Variants in PPP2R2B observed in about 807,000 individuals in gnomAD.
PPP2R2B encodes the protein protein phosphatase 2 regulatory subunit Bbeta.
PPP2R2B carries 5 observed loss-of-function variants against 46.0 expected under a neutral mutation model. The observed-to-expected ratio is 0.11, with a 90% CI of 0.06 to 0.23. The LOEUF (loss-of-function observed/expected upper bound fraction) is 0.23. PPP2R2B is among the 10% of genes least tolerant of loss of function. PPP2R2B has a pLI of 1.00. For missense variants in PPP2R2B, 367 were observed against 575.0 expected, an observed-to-expected ratio of 0.64 and a Z score of 3.70; for synonymous variants, 215 against 206.7, an observed-to-expected ratio of 1.04 and a Z score of -0.34.
At chr5:146,647,934 A>C (rs562048158) in intron 6 of PPP2R2B, among the ~76,000 whole-genome samples, 1 of 152,218 alleles carries the variant, frequency 6.6e-6, no homozygotes, top group Non-Finnish European at 1.5e-5. Flanking sequence ...CATGGTCCTG[A>C]TGGTCAGTTC....
At chr5:146,924,510 G>C (rs1054554677) in intron 1 of PPP2R2B, among the ~76,000 whole-genome samples, 1 of 152,078 alleles carries the variant, frequency 6.6e-6, no homozygotes, top group African/African-American at 2.4e-5. Context: ...AGGACAACAG[G>C]AGTCACCAAA....
intron 1 of PPP2R2B, among the ~76,000 whole-genome samples, chr5:146,980,601 T>C (rs1277868844): frequency 2.0e-5 from 3 of 152,180 alleles, no homozygotes; most frequent in African/African-American, 7.2e-5. Context: ...CCCTGTTCCC[T>C]GTGGAACTAG....
intron 8 of PPP2R2B, among the ~76,000 whole-genome samples, chr5:146,593,982 C>T (rs1770921436): frequency 6.6e-6 from 1 of 152,118 alleles, no homozygotes; most frequent in Non-Finnish European, 1.5e-5. Context: ...TCAGATTCTC[C>T]TTTTGTTTAG....
chr5:147,038,615 C>T (rs771301151), intron 1 of PPP2R2B, among the ~76,000 whole-genome samples: 14 of 152,240 alleles, frequency 9.2e-5, no homozygotes, highest in Non-Finnish European at 1.9e-4. Context: ...AAACAAGGAA[C>T]GAATTATAAT....
At chr5:146,779,748 T>C (rs1004187549) in intron 2 of PPP2R2B, among the ~76,000 whole-genome samples, 6 of 152,162 alleles carry the variant, frequency 3.9e-5, no homozygotes, top group African/African-American at 1.4e-4. Flanking sequence ...AATTAGCTAG[T>C]CTGAAATGAA....
intron 2 of PPP2R2B, among the ~76,000 whole-genome samples, chr5:146,800,173 G>A (rs1756776116): frequency 6.6e-6 from 1 of 151,980 alleles, no homozygotes; most frequent in African/African-American, 2.4e-5. Context: ...GGAAATGAGA[G>A]GATTTTCTGT....
At chr5:146,972,290 C>T (rs907714502) in intron 1 of PPP2R2B, among the ~76,000 whole-genome samples, 5 of 152,294 alleles carry the variant, frequency 3.3e-5, no homozygotes, top group Admixed American at 2.6e-4. Flanking sequence ...CATGACTTAT[C>T]ACTGGTGATG....
At chr5:146,856,504 T>C in intron 2 of PPP2R2B, 1 of 1,591,510 alleles carries the variant, frequency 6.3e-7, no homozygotes. Flanking sequence ...AATACCTTTA[T>C]TTCCATAGGT....
chr5:146,958,761 T>C (rs923264950), intron 1 of PPP2R2B, among the ~76,000 whole-genome samples: 3 of 152,252 alleles, frequency 2.0e-5, no homozygotes, highest in Admixed American at 1.3e-4. Context: ...CTCTGCCCTC[T>C]TTCCTTCAGA....
chr5:146,635,989 A>C (rs941715294), intron 7 of PPP2R2B, among the ~76,000 whole-genome samples: 2 of 152,204 alleles, frequency 1.3e-5, no homozygotes, highest in African/African-American at 4.8e-5. Context: ...AGTTATTTTA[A>C]AAGAAAATGT....
At chr5:146,668,783 C>T (rs1312486947) in intron 5 of PPP2R2B, among the ~76,000 whole-genome samples, 1 of 152,196 alleles carries the variant, frequency 6.6e-6, no homozygotes, top group Non-Finnish European at 1.5e-5. Flanking sequence ...TTCAAGTTTT[C>T]AAGGTTGTCA....
rs1561981433 is a variant in PPP2R2B, at chr5:146,878,034, CTG to C, written c.36_37del (p.Asn12LysfsTer13). ...CGCATAGCTGTGGTCGCGCAGGAAA[CTG>C]TTGTTGATTTTGCGGGTATCAATGT... On this transcript the variant is annotated frameshift_variant, in exon 2 of 10. Coordinates refer to ENST00000394411, the MANE Select transcript of PPP2R2B (RefSeq NM_181675.4). LOFTEE classifies it high-confidence loss of function. The surrounding 1 kb of genome is among the most constrained non-coding windows in gnomAD (Gnocchi z 4.5). 6.2e-7 allele frequency: 1 copy of C among 1,614,112 alleles called. No homozygotes were observed. Among genetic ancestry groups the C allele is most frequent in the African/African-American group, 1.3e-5 (1 of 75,038 alleles).
At chr5:146,746,600 C>T (rs1753208520) in intron 2 of PPP2R2B, among the ~76,000 whole-genome samples, 1 of 152,198 alleles carries the variant, frequency 6.6e-6, no homozygotes, top group South Asian at 2.1e-4. Context: ...TCCTCAATTT[C>T]TCACTACAAT....
chr5:146,762,708 C>T (rs1029837023), intron 2 of PPP2R2B, among the ~76,000 whole-genome samples: 2 of 152,144 alleles, frequency 1.3e-5, no homozygotes, highest in African/African-American at 2.4e-5. Flanking sequence ...TAGGGATGCA[C>T]GGCACCCAAC....
At chr5:147,053,585 T>C (rs1253384569) in intron 1 of PPP2R2B, among the ~76,000 whole-genome samples, 1 of 118,328 alleles carries the variant, frequency 8.5e-6, no homozygotes, top group East Asian at 2.2e-4. Flanking sequence ...CTCAGATGTA[T>C]ACTGATCACT....
intron 2 of PPP2R2B, among the ~76,000 whole-genome samples, chr5:146,768,447 C>G (rs1754626688): frequency 6.6e-6 from 1 of 152,058 alleles, no homozygotes; most frequent in Non-Finnish European, 1.5e-5. Flanking sequence ...ATTCCCTCCT[C>G]TTCTCACTAT....
At chr5:146,835,651 G>T (rs978949222) in intron 2 of PPP2R2B, among the ~76,000 whole-genome samples, 1 of 152,102 alleles carries the variant, frequency 6.6e-6, no homozygotes, top group African/African-American at 2.4e-5. Context: ...GCCAAGAAAG[G>T]TAGCCACAGT....
At chr5:147,033,869 T>C (rs1001790319) in intron 1 of PPP2R2B, among the ~76,000 whole-genome samples, 3 of 152,168 alleles carry the variant, frequency 2.0e-5, no homozygotes, top group Admixed American at 6.5e-5. Flanking sequence ...CTCTTATTGG[T>C]ATTCTTGCCT....
intron 7 of PPP2R2B, among the ~76,000 whole-genome samples, chr5:146,615,515 TAAA>T (rs1364774106): frequency 2.8e-5 from 2 of 71,030 alleles, no homozygotes; most frequent in African/African-American, 4.6e-5. Flanking sequence ...AAAAAAAAAT[TAAA>T]AAAAAAAAAA....
Sources: allele counts gnomAD v4.1 joint callset (sites outside exome capture counted in the v4.1 genomes callset), GRCh38; gene constraint gnomAD v4.1.1; non-coding constraint Gnocchi (gnomAD v3.1); transcripts MANE v1.5; gene names NCBI Gene and HGNC (gene_info 2026-07-23, HGNC 2026-07-21).